ADAM28: variants seen among roughly 807,000 people sequenced by gnomAD.
ADAM28 encodes the protein disintegrin and metalloproteinase domain-containing protein 28.
ADAM28 carries 105 observed loss-of-function variants against 101.2 expected under a neutral mutation model. That is an observed-to-expected ratio of 1.04 (90% CI 0.89 to 1.22). ADAM28 has a LOEUF of 1.22. Among genes scored for constraint, ADAM28 ranks in the 50% most tolerant of loss-of-function variants. The pLI is 0.00. For synonymous variants in ADAM28, 322 were observed against 310.6 expected (o/e 1.04, Z -0.39); for missense variants, 1,028 against 945.4 (o/e 1.09, Z -1.15).
At chr8:24,315,091 T>C (rs556894363) in intron 6 of ADAM28, among the ~76,000 whole-genome samples, 1 of 151,938 alleles carries the variant, frequency 6.6e-6, no homozygotes, top group East Asian at 1.9e-4. Context: ...AAATAATTAC[T>C]AGGAATGTAA....
intron 1 of ADAM28, among the ~76,000 whole-genome samples, chr8:24,295,642 C>G (rs1807863152): frequency 1.3e-5 from 2 of 152,106 alleles, no homozygotes; most frequent in South Asian, 4.1e-4. Flanking sequence ...ACATTACAGT[C>G]CTTTTGTGCA....
intron 2 of ADAM28, among the ~76,000 whole-genome samples, chr8:24,305,474 TTTTA>T (rs1809471614): frequency 7.0e-6 from 1 of 142,550 alleles, no homozygotes; most frequent in Non-Finnish European, 1.5e-5. Context: ...TTTTTTTTTT[TTTTA>T]AAATATGTCT....
Position 24,355,587 on chromosome 8 carries a change from C to CT in ADAM28, c.*1188dup, listed in dbSNP as rs1307580874. 1 of 150,854 alleles carries CT rather than the reference C, an allele frequency of 6.6e-6. No homozygotes were observed. Among genetic ancestry groups the CT allele is most frequent in the East Asian group, 2.0e-4 (1 of 5,022 alleles). 9.3% of individuals were successfully genotyped at this position (150,854 alleles called of 1,614,324 possible). A position where few individuals can be genotyped will look rare whatever the true frequency, so the allele number is the denominator to read the frequency against. Reference sequence around the variant, plus strand: ...ACTTCTGGAAAATTTTTCCTCGTCTCTTTTTCTGGATATGGGCATCTGAAT... The same window carrying CT: ...ACTTCTGGAAAATTTTTCCTCGTCTCTTTTTTCTGGATATGGGCATCTGAAT... On this transcript the variant is annotated 3_prime_UTR_variant, in exon 23 of 23. Coordinates refer to ENST00000265769, the MANE Select transcript of ADAM28 (RefSeq NM_014265.6).
At chr8:24,342,776 G>C (rs1192546288) in intron 16 of ADAM28, among the ~76,000 whole-genome samples, 1 of 152,144 alleles carries the variant, frequency 6.6e-6, no homozygotes, top group African/African-American at 2.4e-5. Context: ...GGGCAGAATT[G>C]AGATGTTTCT....
At chr8:24,304,353 C>G (rs1312558960) in intron 2 of ADAM28, among the ~76,000 whole-genome samples, 2 of 151,672 alleles carry the variant, frequency 1.3e-5, no homozygotes, top group Non-Finnish European at 2.9e-5. Context: ...ATGAACCTTA[C>G]ATTTTCCTGA....
Position 24,297,159 on chromosome 8 carries a change from G to GT in ADAM28, c.47-2806dup, listed in dbSNP as rs201347512. 5.9e-3 allele frequency among the ~76,000 whole-genome samples: 851 copies of GT among 144,530 alleles called. 2 individuals are homozygous for GT. The highest frequency in any genetic ancestry group is 0.017 in the African/African-American group (630 of 37,502). 94.8% of individuals were successfully genotyped at this position (144,530 alleles called of 152,430 possible). On this transcript the variant is annotated intron_variant, in intron 1 of 22. Coordinates refer to ENST00000265769, the MANE Select transcript of ADAM28 (RefSeq NM_014265.6). ...ATGATTTCTAAAAGAAATGTTGTGG[G>GT]TTTTTTTTTGTTGTTGTTGTTGTTT...
chr8:24,336,661 A>G (rs954423380), intron 14 of ADAM28, among the ~76,000 whole-genome samples: 1 of 151,874 alleles, frequency 6.6e-6, no homozygotes, highest in South Asian at 2.1e-4. Context: ...GATCTAGCTT[A>G]TATACCTAAA....
Position 24,302,476 on chromosome 8 carries a change from A to G in ADAM28, c.150+2399A>G, listed in dbSNP as rs1304836245. Among the ~76,000 whole-genome samples, 3 of 152,328 alleles carry G rather than the reference A, an allele frequency of 2.0e-5. No individual in the cohort carries two copies. The East Asian group carries it at 5.8e-4, about 29-fold the overall frequency. ...TACCCAGTAATGGGATTGCTGGGTT[A>G]AATGGTATTTCTGGTTCTAGGTCTT... On this transcript the variant is annotated intron_variant, in intron 2 of 22. Coordinates refer to ENST00000265769, the MANE Select transcript of ADAM28 (RefSeq NM_014265.6).
chr8:24,347,805 A>G (rs1431149586), intron 18 of ADAM28, among the ~76,000 whole-genome samples: 1 of 151,990 alleles, frequency 6.6e-6, no homozygotes, highest in African/African-American at 2.4e-5. Context: ...GAGAATATAC[A>G]CTTCCTGGAG....
intron 5 of ADAM28, among the ~76,000 whole-genome samples, chr8:24,312,854 ATATT>A (rs1298895006): frequency 6.6e-6 from 1 of 152,256 alleles, no homozygotes; most frequent in South Asian, 2.1e-4. Context: ...GAAATTGATA[ATATT>A]TATTTGTCAT....
chr8:24,350,590 T>G (rs1815980935), intron 19 of ADAM28, among the ~76,000 whole-genome samples: 1 of 152,186 alleles, frequency 6.6e-6, no homozygotes, highest in Non-Finnish European at 1.5e-5. Context: ...GGATTACAGG[T>G]GTGAGTCTCC....
chr8:24,321,818 A>G (rs1259055794), intron 8 of ADAM28, among the ~76,000 whole-genome samples: 1 of 152,030 alleles, frequency 6.6e-6, no homozygotes, highest in Non-Finnish European at 1.5e-5. Flanking sequence ...TCAGATTTCC[A>G]AACCCATTTG....
intron 14 of ADAM28, among the ~76,000 whole-genome samples, chr8:24,336,902 G>A (rs940013080): frequency 6.6e-6 from 1 of 152,090 alleles, no homozygotes; most frequent in Non-Finnish European, 1.5e-5. Context: ...TTAAATGACT[G>A]AAACAATATT....
intron 6 of ADAM28, among the ~76,000 whole-genome samples, chr8:24,317,129 A>G (rs1349778951): frequency 2.0e-5 from 3 of 152,082 alleles, no homozygotes; most frequent in Admixed American, 6.6e-5. Context: ...TACCTAAAGC[A>G]ATGAGTAGAT....
At chr8:24,334,200 G>T (rs1328390604) in intron 13 of ADAM28, among the ~76,000 whole-genome samples, 6 of 152,164 alleles carry the variant, frequency 3.9e-5, no homozygotes, top group Admixed American at 3.3e-4. Context: ...TATAATGTGT[G>T]ATTCAATGGC....
Position 24,343,610 on chromosome 8 carries a change from G to A in ADAM28, c.1990+26G>A, listed in dbSNP as rs192378479. The A allele has an allele frequency of 1.4e-5, 22 of 1,605,846 alleles. No individual in the cohort carries two copies. The Admixed American group carries it at 3.7e-4, about 27-fold the overall frequency. The stretch of plus-strand genomic sequence containing the variant: ...GTAGGTAACATTACACATCTAACCT[G>A]AGAAAATTGCTCTCCTCTTCCAAGC... On this transcript the variant is annotated intron_variant, in intron 18 of 22. Coordinates refer to ENST00000265769, the MANE Select transcript of ADAM28 (RefSeq NM_014265.6).
chr8:24,344,828 T>C (rs73561566), intron 18 of ADAM28, among the ~76,000 whole-genome samples: 1 of 152,270 alleles, frequency 6.6e-6, no homozygotes, highest in African/African-American at 2.4e-5. Context: ...CTATGACTAA[T>C]TTCTTCCTGG....
At chr8:24,321,884 A>C (rs1811926832) in intron 8 of ADAM28, among the ~76,000 whole-genome samples, 1 of 151,954 alleles carries the variant, frequency 6.6e-6, no homozygotes, top group African/African-American at 2.4e-5. Context: ...CTAATTTCCA[A>C]AATATTTAAA....
chr8:24,338,612 T>C (rs1319718968), intron 14 of ADAM28, among the ~76,000 whole-genome samples: 1 of 152,204 alleles, frequency 6.6e-6, no homozygotes, highest in Non-Finnish European at 1.5e-5. Context: ...ATCTTACACA[T>C]TGAAACATGA....
Sources: allele counts gnomAD v4.1 joint callset (sites outside exome capture counted in the v4.1 genomes callset), GRCh38; gene constraint gnomAD v4.1.1; transcripts MANE v1.5; gene names NCBI Gene and HGNC (gene_info 2026-07-23, HGNC 2026-07-21).